Variants in PSD3 observed in about 807,000 individuals in gnomAD.
PSD3 encodes PH and SEC7 domain-containing protein 3.
A neutral mutation model predicts 105.5 loss-of-function variants in PSD3; 49 were observed. That is an observed-to-expected ratio of 0.46 (90% CI 0.37 to 0.59). The LOEUF (loss-of-function observed/expected upper bound fraction) is 0.59, where lower values mean the gene tolerates loss of function less well. PSD3 is among the 20% of genes least tolerant of loss of function. The pLI is 0.00. For missense variants in PSD3, 1,561 were observed against 1,263.8 expected (o/e 1.24, Z -3.57); for synonymous variants, 557 against 457.8 (o/e 1.22, Z -2.77).
intron 1 of PSD3, among the ~76,000 whole-genome samples, chr8:19,059,870 G>A (rs1039160628): frequency 1.3e-5 from 2 of 152,152 alleles, no homozygotes; most frequent in African/African-American, 4.8e-5. Flanking sequence ...CACCTACCAG[G>A]CTCTGTCTTC....
intron 9 of PSD3, among the ~76,000 whole-genome samples, chr8:18,749,763 G>C (rs764436433): frequency 2.0e-5 from 3 of 152,158 alleles, no homozygotes; most frequent in African/African-American, 4.8e-5. Context: ...ATCTCTGCTA[G>C]CTTTCAAAAT....
intron 2 of PSD3, among the ~76,000 whole-genome samples, chr8:18,875,881 A>G (rs1817705195): frequency 1.3e-5 from 2 of 152,170 alleles, no homozygotes; most frequent in African/African-American, 4.8e-5. Flanking sequence ...CCCTGTATCC[A>G]TAAGCAGCCA....
At chr8:18,778,323 T>C (rs1261252587) in intron 8 of PSD3, among the ~76,000 whole-genome samples, 2 of 152,222 alleles carry the variant, frequency 1.3e-5, no homozygotes, top group Non-Finnish European at 2.9e-5. Context: ...TTTTTTACCT[T>C]GAAACTTTAC....
At chr8:18,775,480 T>G (rs994929762) in intron 8 of PSD3, among the ~76,000 whole-genome samples, 3 of 152,236 alleles carry the variant, frequency 2.0e-5, no homozygotes, top group Non-Finnish European at 4.4e-5. Context: ...AGTTTCCCTT[T>G]CTTTTCATTC....
chr8:18,843,342 A>C (rs1360443565), intron 4 of PSD3, among the ~76,000 whole-genome samples: 1 of 152,102 alleles, frequency 6.6e-6, no homozygotes, highest in African/African-American at 2.4e-5. Flanking sequence ...CAAAAAAAAA[A>C]AAAAAGAGTT....
chr8:18,847,664 A>T (rs1479451135), intron 4 of PSD3, among the ~76,000 whole-genome samples: 2 of 152,190 alleles, frequency 1.3e-5, no homozygotes, highest in South Asian at 2.1e-4. Context: ...AATTTTTCAG[A>T]TAAGTAAAAG....
chr8:18,635,484 TTACCA>T (rs1807185572), intron 10 of PSD3, among the ~76,000 whole-genome samples: 1 of 152,138 alleles, frequency 6.6e-6, no homozygotes, highest in Non-Finnish European at 1.5e-5. Flanking sequence ...TGTCTAACAC[TTACCA>T]TACTATGCTT....
chr8:18,800,610 A>C (rs1810591471), intron 7 of PSD3, among the ~76,000 whole-genome samples: 1 of 152,200 alleles, frequency 6.6e-6, no homozygotes, highest in Non-Finnish European at 1.5e-5. Flanking sequence ...TGGAGGAAAG[A>C]TCTCTCTTCA....
At chr8:18,768,630 T>G (rs369453202) in intron 8 of PSD3, among the ~76,000 whole-genome samples, 1 of 152,160 alleles carries the variant, frequency 6.6e-6, no homozygotes, top group Non-Finnish European at 1.5e-5. Context: ...GGAATATGTA[T>G]ACACAACCTC....
intron 1 of PSD3, among the ~76,000 whole-genome samples, chr8:19,048,913 G>A (rs983616078): frequency 5.9e-5 from 9 of 152,286 alleles, no homozygotes; most frequent in Middle Eastern, 3.4e-3. Context: ...GGCATTGGCA[G>A]GTTTGGTTTC....
At chr8:18,752,545 ATTATATATAATTATATATATT>A (rs1280916409) in intron 9 of PSD3, among the ~76,000 whole-genome samples, 2,118 of 14,398 alleles carry the variant, frequency 0.15, 43 homozygotes, top group South Asian at 0.22. Flanking sequence ...TATTATATAT[ATTATATATAATTATATATATT>A]ATATATATAA....
At chr8:18,748,823 TAG>T (rs1410542685) in intron 9 of PSD3, among the ~76,000 whole-genome samples, 16 of 152,196 alleles carry the variant, frequency 1.1e-4, no homozygotes, top group African/African-American at 3.9e-4. Context: ...CCACCTAAAG[TAG>T]GGTACAAAGC....
At chr8:19,073,798 C>CTTT (rs71218923) in intron 1 of PSD3, among the ~76,000 whole-genome samples, 1,830 of 145,474 alleles carry the variant, frequency 0.013, 24 homozygotes, top group African/African-American at 0.014. Flanking sequence ...TTTTCTTTTT[C>CTTT]TTTTTTTTTT....
At chr8:18,953,659 G>A (rs1823383373) in intron 1 of PSD3, among the ~76,000 whole-genome samples, 1 of 152,008 alleles carries the variant, frequency 6.6e-6, no homozygotes, top group Non-Finnish European at 1.5e-5. Flanking sequence ...TGAGGCAGGA[G>A]AATTGCTTGA....
At chr8:18,726,294 A>C (rs960442387) in intron 9 of PSD3, among the ~76,000 whole-genome samples, 2 of 152,240 alleles carry the variant, frequency 1.3e-5, no homozygotes, top group African/African-American at 4.8e-5. Flanking sequence ...GCAGCCAGAG[A>C]CATTAAGTTA....
At chr8:18,544,895 C>G (rs1452496915) in intron 15 of PSD3, among the ~76,000 whole-genome samples, 1 of 152,106 alleles carries the variant, frequency 6.6e-6, no homozygotes, top group Non-Finnish European at 1.5e-5. Flanking sequence ...GGAAGGAGAG[C>G]TGAGTGACCA....
intron 9 of PSD3, among the ~76,000 whole-genome samples, chr8:18,691,349 G>A (rs892606688): frequency 6.6e-6 from 1 of 152,208 alleles, no homozygotes; most frequent in Admixed American, 6.5e-5. Flanking sequence ...GCAGAACAAA[G>A]ACGGCCTCTG....
intron 9 of PSD3, among the ~76,000 whole-genome samples, chr8:18,716,815 C>T (rs997001589): frequency 1.3e-5 from 2 of 152,084 alleles, no homozygotes; most frequent in African/African-American, 2.4e-5. Flanking sequence ...TATGGAGTAA[C>T]TTTTTCAATT....
At chr8:18,767,423 G>C (rs1228454418) in intron 8 of PSD3, among the ~76,000 whole-genome samples, 1 of 152,150 alleles carries the variant, frequency 6.6e-6, no homozygotes, top group Non-Finnish European at 1.5e-5. Context: ...GCAAAATGTA[G>C]TCCAAGTGAA....
Sources: allele counts gnomAD v4.1 joint callset (sites outside exome capture counted in the v4.1 genomes callset), GRCh38; gene constraint gnomAD v4.1.1; transcripts MANE v1.5; gene names NCBI Gene and HGNC (gene_info 2026-07-23, HGNC 2026-07-21).